Variants in MRPS21 observed in about 807,000 individuals in gnomAD.
MRPS21 encodes mitochondrial ribosomal protein S21, also known as small ribosomal subunit protein bS21m.
Under a neutral mutation model 9.9 loss-of-function variants are expected in MRPS21, and 8 were observed. That is an observed-to-expected ratio of 0.81 (90% CI 0.47 to 1.45). The LOEUF is 1.45. Among genes scored for constraint, MRPS21 ranks in the 40% most tolerant of loss-of-function variants. The pLI is 0.00. For synonymous variants in MRPS21, 40 were observed against 40.3 expected, an observed-to-expected ratio of 0.99 and a Z score of 0.03; for missense variants, 101 against 118.9, an observed-to-expected ratio of 0.85 and a Z score of 0.70.
At chr1:150,294,906 G>A (rs201785663) in intron 2 of MRPS21, among the ~76,000 whole-genome samples, 35 of 80,322 alleles carry the variant, frequency 4.4e-4, no homozygotes, top group African/African-American at 8.4e-4. Context: ...CAAAAAAAAA[G>A]AAAAAAAGTT....
At chr1:150,305,452 T>A (rs1553858380) in intron 2 of MRPS21, among the ~76,000 whole-genome samples, 1 of 152,040 alleles carries the variant, frequency 6.6e-6, no homozygotes, top group African/African-American at 2.4e-5. Context: ...GAGGAACAAG[T>A]AGGATTTCAT....
At chr1:150,298,687 C>T (rs587702004) in intron 2 of MRPS21, among the ~76,000 whole-genome samples, 12 of 152,212 alleles carry the variant, frequency 7.9e-5, no homozygotes, top group East Asian at 5.8e-4. Flanking sequence ...CTGTGACCTC[C>T]GCCTCCCGAG....
intron 2 of MRPS21, 136 bp from the exon 3 acceptor site, chr1:150,307,912 T>C: frequency 1.2e-6 from 1 of 834,662 alleles, no homozygotes; most frequent in Non-Finnish European, 1.8e-6. Context: ...AGTAGGCAGT[T>C]AATGCTCTAT....
At chr1:150,304,959 A>T in intron 2 of MRPS21, 1 of 343,830 alleles carries the variant, frequency 2.9e-6, no homozygotes, top group Non-Finnish European at 5.7e-6. Context: ...GAATCGCTTG[A>T]ACCCAGAAGG....
chr1:150,308,192 G>A lies in MRPS21; in HGVS notation c.228G>A (p.Met76Ile), dbSNP rs782817139. 2 of 1,604,216 alleles carry A rather than the reference G, an allele frequency of 1.2e-6. No homozygotes were observed. The highest frequency in any genetic ancestry group is 2.2e-5 in the East Asian group (1 of 44,512). ...TGGCTCGCAAGATCAACTTCTTGAT[G>A]CGAAAGAATCGGGCAGATCCGTGGC... ...MEMARKINFL[M>I]RKNRADPWQG... Residue 76 changes from methionine (M) to isoleucine (I), a missense_variant, in exon 3 of 3, where the codon ATG becomes ATA. Physicochemically the swap from Met to Ile is conservative, Grantham distance 10 (BLOSUM62 1). Transcript: ENST00000614145.
In MRPS21 at chr1:150,308,131, G is replaced by T. The variant is rs1553858822; in HGVS notation, c.167G>T (p.Ser56Ile). 1 of 1,609,812 alleles carries T rather than the reference G, an allele frequency of 6.2e-7. No homozygotes were observed. The highest frequency in any genetic ancestry group is 8.5e-7 in the Non-Finnish European group (1 of 1,176,330). The change falls in exon 3 of 3, where the codon AGC becomes ATC. Residue 56 changes from serine to isoleucine, a missense_variant. Physicochemically the swap from Ser to Ile is moderately radical, Grantham distance 142. Transcript: ENST00000614145. ...EKPCCRRQRE[S>I]YERCRRIYNM... ...CCATGCTGCCGGCGACAGAGGGAAA[G>T]CTATGAAAGGTGCCGGCGGATCTAC...
intron 2 of MRPS21, among the ~76,000 whole-genome samples, chr1:150,297,206 G>A (rs997468424): frequency 6.6e-6 from 1 of 151,504 alleles, no homozygotes; most frequent in Non-Finnish European, 1.5e-5. Context: ...CAGGAGAATC[G>A]CTTGAACCCG....
intron 2 of MRPS21, among the ~76,000 whole-genome samples, chr1:150,299,979 A>C (rs143030892): frequency 6.6e-6 from 1 of 152,210 alleles, no homozygotes; most frequent in Non-Finnish European, 1.5e-5. Context: ...CAGGGGTTGC[A>C]ACCTGGATGG....
intron 1 of MRPS21, 124 bp downstream of exon 1, chr1:150,294,022 T>C: frequency 3.6e-6 from 1 of 277,620 alleles, no homozygotes. Context: ...ACTCAACCCC[T>C]TTTGGAACTA....
Position 150,308,387 on chromosome 1 carries a change from C to T in MRPS21, c.*159C>T. On this transcript the variant is annotated 3_prime_UTR_variant, in exon 3 of 3. Coordinates refer to ENST00000614145, the MANE Select transcript of MRPS21 (RefSeq NM_031901.6). The stretch of plus-strand genomic sequence containing the variant: ...ATATAGAAACAATCCCATTAGTCAG[C>T]AGTGGACCCTGTCTTTTATTAAGTG... 1.6e-6 allele frequency: 1 copy of T among 632,034 alleles called. No homozygotes were observed. Among genetic ancestry groups the T allele is most frequent in the Non-Finnish European group, 2.6e-6 (1 of 388,696 alleles). The allele number at this position is 632,034 out of a possible 1,614,324, so 39.2% of individuals were successfully genotyped here.
At position 150,307,613 on chromosome 1, in the gene MRPS21, G is replaced by C. The variant is rs587611448; in HGVS notation, c.84-435G>C. Among the ~76,000 whole-genome samples, 5 of 151,828 alleles carry C rather than the reference G, an allele frequency of 3.3e-5. No individual in the cohort carries two copies. In the South Asian group the frequency reaches 1.0e-3, roughly 32 times the overall value. On this transcript the variant is annotated intron_variant, in intron 2 of 2. Transcript: ENST00000614145. ...CTTTTTTGAGACAGGGTCTTATTCT[G>C]TCACCCAGGCTGGAGTACACTGGTG...
At chr1:150,296,144 T>A (rs1553856534) in intron 2 of MRPS21, among the ~76,000 whole-genome samples, 1 of 152,012 alleles carries the variant, frequency 6.6e-6, no homozygotes, top group Admixed American at 6.6e-5. Context: ...TAGAGAGGGT[T>A]TCACCACGTT....
At position 150,308,318 on chromosome 1, in the gene MRPS21, C is replaced by T; in HGVS notation, c.*90C>T. 1 of 1,340,738 alleles carries T rather than the reference C, an allele frequency of 7.5e-7. No homozygotes were observed. The highest frequency in any genetic ancestry group is 1.0e-6 in the Non-Finnish European group (1 of 989,132). 83.1% of individuals were successfully genotyped at this position (1,340,738 alleles called of 1,614,324 possible). On this transcript the variant is annotated 3_prime_UTR_variant, in exon 3 of 3. Transcript: ENST00000614145. ...TACAATCCCATTTCCTATTACCATT[C>T]TCTGCAATAAACTCAAATCACATGT...
At position 150,308,148 on chromosome 1, in the gene MRPS21, C is replaced by T. The variant is rs1553858825; in HGVS notation, c.184C>T (p.Arg62Trp). The T allele has an allele frequency of 6.2e-6, 10 of 1,609,850 alleles. No individual in the cohort carries two copies. The highest frequency in any genetic ancestry group is 5.3e-5 in the African/African-American group (4 of 74,844). Residue 62 changes from arginine to tryptophan, a missense_variant, in exon 3 of 3, where the codon CGG becomes TGG. By Grantham distance (101) the Arg-to-Trp change is moderately radical. Coordinates refer to ENST00000614145, the MANE Select transcript of MRPS21 (RefSeq NM_031901.6). The stretch of plus-strand genomic sequence containing the variant: ...GAGGGAAAGCTATGAAAGGTGCCGG[C>T]GGATCTACAACATGGAAATGGCTCG... ...RQRESYERCR[R>W]IYNMEMARKI...
intron 2 of MRPS21, among the ~76,000 whole-genome samples, chr1:150,307,371 C>CTTT (rs1654379485): frequency 8.5e-5 from 1 of 11,830 alleles, no homozygotes; most frequent in Non-Finnish European, 2.0e-4. Context: ...TTTTTTTTTT[C>CTTT]CTTTGAGTCA....
At chr1:150,302,482 C>T (rs1553857860) in intron 2 of MRPS21, among the ~76,000 whole-genome samples, 1 of 152,184 alleles carries the variant, frequency 6.6e-6, no homozygotes, top group Non-Finnish European at 1.5e-5. Flanking sequence ...TTGAGTCCTT[C>T]TGCATACACG....
At chr1:150,307,731 A>G (rs1393576025) in intron 2 of MRPS21, among the ~76,000 whole-genome samples, 4 of 151,950 alleles carry the variant, frequency 2.6e-5, no homozygotes, top group Non-Finnish European at 5.9e-5. Context: ...GACACATATT[A>G]CGAAGCCTGG....
At chr1:150,303,765 G>A (rs587639496) in intron 2 of MRPS21, 39 of 334,862 alleles carry the variant, frequency 1.2e-4, no homozygotes, top group Admixed American at 9.5e-4. Flanking sequence ...ATATGCCATC[G>A]TAGTAAAGGT....
chr1:150,294,133 T>A, intron 1 of MRPS21: 1 of 460,392 alleles, frequency 2.2e-6, no homozygotes, highest in Non-Finnish European at 4.1e-6. Context: ...ATCTCTTTTC[T>A]TCTCTATGCG....
Sources: allele counts gnomAD v4.1 joint callset (sites outside exome capture counted in the v4.1 genomes callset), GRCh38; gene constraint gnomAD v4.1.1; transcripts MANE v1.5; gene names NCBI Gene and HGNC (gene_info 2026-07-23, HGNC 2026-07-21).